TNS3: variants seen among roughly 807,000 people sequenced by gnomAD.
TNS3 encodes tensin 3.
In TNS3, 45 loss-of-function variants were observed where a neutral mutation model predicts 140.9. That is an observed-to-expected ratio of 0.32 (90% CI 0.25 to 0.41). The LOEUF is 0.41. TNS3 is among the 10% of genes least tolerant of loss of function. The pLI, the probability that TNS3 is intolerant of heterozygous loss-of-function variation, is 1.00. For synonymous variants in TNS3, 815 were observed against 788.4 expected, an observed-to-expected ratio of 1.03 and a Z score of -0.56; for missense variants, 1,716 against 1,906.7, an observed-to-expected ratio of 0.90 and a Z score of 1.86.
intron 17 of TNS3, among the ~76,000 whole-genome samples, chr7:47,353,631 C>A (rs1584465088): frequency 1.3e-5 from 2 of 152,342 alleles, no homozygotes; most frequent in African/African-American, 2.4e-5. Context: ...CCGAGGGAAT[C>A]ATTTAATTGT....
chr7:47,302,064 A>G (rs952864432), intron 23 of TNS3, 122 bp downstream of exon 23: 3 of 760,830 alleles, frequency 3.9e-6, no homozygotes, highest in African/African-American at 3.5e-5. Context: ...GCCCTGCTCA[A>G]ACTCAATCCA....
intron 4 of TNS3, among the ~76,000 whole-genome samples, chr7:47,464,677 C>G (rs1796630493): frequency 3.3e-5 from 5 of 152,170 alleles, no homozygotes; most frequent in Admixed American, 3.3e-4. Context: ...GCTGATGCTG[C>G]TGGTCTTAGA....
At position 47,368,712 on chromosome 7, in the gene TNS3, C is replaced by T; in HGVS notation, c.1934G>A (p.Arg645Lys). ...GGGATGTGGCCCACTGCCTACACCC[C>T]TCTGGACAGCCACCCTACTGCTGGT... ...RGTSSRVAVQRGVGSGPHPPD... is the reference protein window; with the variant it reads ...RGTSSRVAVQKGVGSGPHPPD... Residue 645 changes from arginine (R) to lysine (K), a missense_variant, in exon 17 of 31, where the codon AGG becomes AAG. This residue lies in a region of TNS3 where 1,163 missense variants were observed against 1,182.1 expected (regional missense o/e 0.98). Transcript: ENST00000311160. 1 of 1,579,012 alleles carries T rather than the reference C, an allele frequency of 6.3e-7. No individual in the cohort carries two copies. Among genetic ancestry groups the T allele is most frequent in the East Asian group, 2.2e-5 (1 of 44,534 alleles).
chr7:47,354,090 C>A (rs1789844984), intron 17 of TNS3, among the ~76,000 whole-genome samples: 1 of 151,146 alleles, frequency 6.6e-6, no homozygotes, highest in African/African-American at 2.4e-5. Context: ...GCAGTTTGAA[C>A]AATGAAATCA....
intron 8 of TNS3, among the ~76,000 whole-genome samples, chr7:47,433,636 G>C (rs1397929816): frequency 6.6e-6 from 1 of 152,216 alleles, no homozygotes; most frequent in Non-Finnish European, 1.5e-5. Flanking sequence ...GCAACTCCAA[G>C]AGACTTCTGA....
At chr7:47,378,249 T>C (rs1430245486) in intron 16 of TNS3, among the ~76,000 whole-genome samples, 2 of 152,148 alleles carry the variant, frequency 1.3e-5, no homozygotes, top group Non-Finnish European at 2.9e-5. Context: ...ACCCTCTGGG[T>C]GCAGAGCTGA....
Position 47,435,449 on chromosome 7 carries a change from CCTT to C in TNS3, c.202-48_202-46del, listed in dbSNP as rs147902788. Reference sequence around the variant, plus strand: ...CTTCCTCGGTTTCCATTTCCTAAAACCTTCTGAGGCCATCTCACAATGACTTCT... The same window carrying C: ...CTTCCTCGGTTTCCATTTCCTAAAACCTGAGGCCATCTCACAATGACTTCT... On this transcript the variant is annotated intron_variant, in intron 7 of 30. Coordinates refer to ENST00000311160, the MANE Select transcript of TNS3 (RefSeq NM_022748.12). 2,755 of 1,607,166 alleles carry C rather than the reference CCTT, an allele frequency of 1.7e-3. 34 individuals are homozygous for C. In the African/African-American group the frequency reaches 0.029, roughly 17 times the overall value.
intron 20 of TNS3, among the ~76,000 whole-genome samples, chr7:47,324,142 C>G (rs1787901263): frequency 6.6e-6 from 1 of 152,246 alleles, no homozygotes; most frequent in African/African-American, 2.4e-5. Context: ...AAGTTCCAAG[C>G]ATGTGCTGGT....
At chr7:47,559,007 T>A (rs957288222) in intron 1 of TNS3, among the ~76,000 whole-genome samples, 1 of 152,168 alleles carries the variant, frequency 6.6e-6, no homozygotes, top group African/African-American at 2.4e-5. Context: ...AACGCCCGTG[T>A]ATATAGACCT....
intron 20 of TNS3, among the ~76,000 whole-genome samples, chr7:47,306,847 G>A (rs1268747278): frequency 6.6e-6 from 1 of 152,180 alleles, no homozygotes; most frequent in African/African-American, 2.4e-5. Context: ...AAAGTGCTGG[G>A]ATTACAGGTG....
intron 17 of TNS3, among the ~76,000 whole-genome samples, chr7:47,347,523 G>T (rs971500379): frequency 1.3e-5 from 2 of 151,946 alleles, no homozygotes; most frequent in African/African-American, 4.8e-5. Flanking sequence ...TGCAGCATGG[G>T]GGGGCTCCAC....
intron 4 of TNS3, among the ~76,000 whole-genome samples, chr7:47,446,978 G>A (rs1230924536): frequency 1.4e-5 from 2 of 148,068 alleles, no homozygotes; most frequent in Admixed American, 6.8e-5. Flanking sequence ...ATGAGCTTCC[G>A]TGCCCGGCCA....
At chr7:47,312,828 CAT>C (rs1324205562) in intron 20 of TNS3, among the ~76,000 whole-genome samples, 1 of 152,082 alleles carries the variant, frequency 6.6e-6, no homozygotes, top group East Asian at 1.9e-4. Context: ...CACATGTACA[CAT>C]GTGTAACCTG....
At chr7:47,353,992 AACACACACACACACACACAC>A (rs10598998) in intron 17 of TNS3, among the ~76,000 whole-genome samples, 5 of 143,398 alleles carry the variant, frequency 3.5e-5, no homozygotes, top group African/African-American at 7.9e-5. Flanking sequence ...CAGAGGACAA[AACACACACACACACACACAC>A]ACACACACAC....
chr7:47,386,624 C>A (rs891604266), intron 16 of TNS3, among the ~76,000 whole-genome samples: 1 of 152,244 alleles, frequency 6.6e-6, no homozygotes, highest in African/African-American at 2.4e-5. Context: ...TATGGCTGTG[C>A]TGAGGCAACG....
intron 4 of TNS3, 127 bp downstream of exon 4, chr7:47,480,976 A>G (rs1797393364): frequency 3.5e-6 from 2 of 573,982 alleles, no homozygotes; most frequent in Admixed American, 6.1e-5. Context: ...AATGCAAGCT[A>G]CAGGTCAAAG....
intron 17 of TNS3, among the ~76,000 whole-genome samples, chr7:47,360,746 C>T (rs533135454): frequency 9.8e-5 from 15 of 152,294 alleles, no homozygotes; most frequent in African/African-American, 2.9e-4. Context: ...CCTGGTGCTG[C>T]GGTCACTCCT....
intron 27 of TNS3, among the ~76,000 whole-genome samples, chr7:47,289,029 T>G (rs1785564137): frequency 6.6e-6 from 1 of 152,170 alleles, no homozygotes; most frequent in Non-Finnish European, 1.5e-5. Context: ...CACAGATAAC[T>G]TATCCTATAA....
chr7:47,564,203 A>C (rs1325967680), intron 1 of TNS3, among the ~76,000 whole-genome samples: 2 of 151,844 alleles, frequency 1.3e-5, no homozygotes, highest in Non-Finnish European at 2.9e-5. Flanking sequence ...CAAAAAAAAA[A>C]AAAAAAAAAA....
Sources: gnomAD v4.1 joint callset for allele counts (sites outside exome capture counted in the v4.1 genomes callset) on GRCh38, gnomAD v4.1.1 for gene constraint, gnomAD v4.1.1 regional missense constraint, MANE v1.5 for transcripts, NCBI Gene and HGNC (gene_info 2026-07-23, HGNC 2026-07-21) for gene names.